The following STRN4 variants were observed in gnomAD, a reference collection of about 807,000 sequenced individuals.
STRN4 encodes striatin 4.
Under a neutral mutation model 77.9 loss-of-function variants are expected in STRN4, and 27 were observed. That is an observed-to-expected ratio of 0.35 (90% CI 0.26 to 0.48). The LOEUF (loss-of-function observed/expected upper bound fraction) is 0.48, where lower values mean the gene tolerates loss of function less well. Ranked by LOEUF, STRN4 falls within the 20% of genes least tolerant of loss-of-function variation. STRN4 has a pLI of 0.99. For synonymous variants in STRN4, 466 were observed against 443.1 expected, an observed-to-expected ratio of 1.05 and a Z score of -0.65; for missense variants, 798 against 1,049.7, an observed-to-expected ratio of 0.76 and a Z score of 3.31.
rs2054027720 is a variant in STRN4 at position 46,723,338 on chromosome 19, TG to T, written c.1595-55del. 7 of 1,498,954 alleles carry T rather than the reference TG, an allele frequency of 4.7e-6. No homozygotes were observed. Among genetic ancestry groups the T allele is most frequent in the Non-Finnish European group, 5.3e-6 (6 of 1,123,796 alleles). The allele number at this position is 1,498,954 out of a possible 1,614,324, so 92.9% of individuals were successfully genotyped here. A position where few individuals can be genotyped will look rare whatever the true frequency, so the allele number is the denominator to read the frequency against. On this transcript the variant is annotated intron_variant, in intron 12 of 17. Transcript: ENST00000263280. This position sits in a 1 kb window ranked among gnomAD's most constrained non-coding sequence, Gnocchi z 5.5. ...TGTGTCAGGGCTGCCAGCTCCTCCC[TG>T]GACAGCCCAGAGCCCCAGCTCTGCC...
chr19:46,746,070 T>G, intron 1 of STRN4, 79 bp downstream of exon 1: 1 of 1,216,536 alleles, frequency 8.2e-7, no homozygotes, highest in Non-Finnish European at 1.0e-6. Context: ...TGCTCCAAGA[T>G]GGCGGCGGCG....
chr19:46,728,855 T>G, intron 6 of STRN4, 78 bp from the exon 7 acceptor site: 3 of 1,567,212 alleles, frequency 1.9e-6, no homozygotes, highest in Non-Finnish European at 2.6e-6. Flanking sequence ...TAGGAACAGG[T>G]AAGCCGGGGC....
chr19:46,725,877 A>G (rs2054100806), intron 9 of STRN4: 1 of 580,984 alleles, frequency 1.7e-6, no homozygotes, highest in Non-Finnish European at 3.0e-6. Flanking sequence ...GACAAAGGTG[A>G]GCCTGACCCC....
intron 3 of STRN4, among the ~76,000 whole-genome samples, chr19:46,737,820 C>T (rs563720009): frequency 1.3e-5 from 2 of 152,168 alleles, no homozygotes; most frequent in Non-Finnish European, 2.9e-5. Context: ...CCTGTTCAAA[C>T]GCCACCTCCT....
chr19:46,728,029 C>T, intron 7 of STRN4, 22 bp from the exon 8 acceptor site: 2 of 1,606,826 alleles, frequency 1.2e-6, no homozygotes, highest in South Asian at 1.1e-5. Flanking sequence ...AGGCATAGGG[C>T]CGGAGTCACC....
Position 46,728,786 on chromosome 19 carries a change from T to C in STRN4, c.880-9A>G. 2 of 1,613,808 alleles carry C rather than the reference T, an allele frequency of 1.2e-6. No individual in the cohort carries two copies. Among genetic ancestry groups the C allele is most frequent in the African/African-American group, 1.3e-5 (1 of 75,046 alleles). ...AGAGCCTTGGATGGGAGCTGGCACA[T>C]GGAGAAAGCCAGACAAGTCAGGGGG... On this transcript the variant is annotated splice_polypyrimidine_tract_variant and intron_variant, in intron 6 of 17. Transcript: ENST00000263280.
chr19:46,727,711 C>T, intron 8 of STRN4, 165 bp from the exon 9 acceptor site: 1 of 754,848 alleles, frequency 1.3e-6, no homozygotes. Context: ...GACAGAGAGA[C>T]AGACAGGGCA....
intron 9 of STRN4, among the ~76,000 whole-genome samples, chr19:46,726,482 G>T (rs2054117022): frequency 1.7e-5 from 1 of 59,910 alleles, no homozygotes; most frequent in East Asian, 3.2e-4. Flanking sequence ...CCCTCAAGGA[G>T]CAAAAAAAAA....
chr19:46,746,073 C>G, intron 1 of STRN4, 76 bp downstream of exon 1: 2 of 1,150,232 alleles, frequency 1.7e-6, no homozygotes, highest in Non-Finnish European at 2.2e-6. Flanking sequence ...TCCAAGATGG[C>G]GGCGGCGGCG....
rs1007282315 is a variant in STRN4, at chr19:46,740,648, G to A, written c.283-1760C>T. On this transcript the variant is annotated intron_variant, in intron 1 of 17. Transcript: ENST00000263280. ...CCTCCCAGGGGCAGTTCAGCCTGCC[G>A]GGAACCTACACCTTGGTCAATACCT... Among the ~76,000 whole-genome samples, 10 of 151,936 alleles carry A rather than the reference G, an allele frequency of 6.6e-5. No homozygotes were observed. In the East Asian group the frequency reaches 1.2e-3, roughly 18 times the overall value.
chr19:46,736,741 A>G lies in STRN4; in HGVS notation c.539+82T>C, dbSNP rs574057364. 622 of 1,397,348 alleles carry G rather than the reference A, an allele frequency of 4.5e-4. 1 individual carries two copies. Among genetic ancestry groups the G allele is most frequent in the Non-Finnish European group, 5.2e-4 (516 of 1,001,476 alleles). 86.6% of individuals were successfully genotyped at this position (1,397,348 alleles called of 1,614,324 possible). A position where few individuals can be genotyped will look rare whatever the true frequency, so the allele number is the denominator to read the frequency against. On this transcript the variant is annotated intron_variant, in intron 4 of 17. Coordinates refer to ENST00000263280, the MANE Select transcript of STRN4 (RefSeq NM_013403.3). Reference sequence around the variant, plus strand: ...AGTTCAGCATCCCCAGTGGGGACGGAAAAGGACTGTGGAGTCTTTGGACTT... The same window carrying G: ...AGTTCAGCATCCCCAGTGGGGACGGGAAAGGACTGTGGAGTCTTTGGACTT...
chr19:46,730,707 T>C (rs1182861833), intron 6 of STRN4, 25 bp downstream of exon 6: 1 of 1,609,634 alleles, frequency 6.2e-7, no homozygotes, highest in East Asian at 2.2e-5. Flanking sequence ...GGCCAGGCTG[T>C]GCAGGGCATG....
At chr19:46,720,380 T>TAG (rs1189807210) in intron 17 of STRN4, 42 bp from the exon 18 acceptor site, 3 of 456,874 alleles carry the variant, frequency 6.6e-6, no homozygotes, top group Admixed American at 4.4e-5. Flanking sequence ...CCGCCGCCTC[T>TAG]AGGGCGCCTC....
intron 9 of STRN4, 56 bp downstream of exon 9, chr19:46,727,394 GGC>G (rs1413426844): frequency 6.9e-7 from 1 of 1,457,936 alleles, no homozygotes; most frequent in African/African-American, 1.4e-5. Context: ...AGCTTGCAGG[GGC>G]TGGCCCTGGG....
Position 46,723,314 on chromosome 19 carries a change from G to GT in STRN4, c.1595-31dup. On this transcript the variant is annotated intron_variant, in intron 12 of 17. Transcript: ENST00000263280. This position sits in a 1 kb window ranked among gnomAD's most constrained non-coding sequence, Gnocchi z 5.5. ...ACCCACCGCAGGGAGGAAATGGGCTGTGTCAGGGCTGCCAGCTCCTCCCTG... is the reference window on the plus strand; with the variant it reads ...ACCCACCGCAGGGAGGAAATGGGCTGTTGTCAGGGCTGCCAGCTCCTCCCTG... 1.3e-6 allele frequency: 2 copies of GT among 1,520,182 alleles called. No individual in the cohort carries two copies. The highest frequency in any genetic ancestry group is 1.8e-6 in the Non-Finnish European group (2 of 1,133,724). 94.2% of individuals were successfully genotyped at this position (1,520,182 alleles called of 1,614,324 possible).
chr19:46,728,906 G>T, intron 6 of STRN4, 129 bp from the exon 7 acceptor site: 1 of 1,385,112 alleles, frequency 7.2e-7, no homozygotes, highest in Non-Finnish European at 9.7e-7. Context: ...TCAGCCGCCA[G>T]CCAGCTGCCC....
At chr19:46,721,881 C>T in intron 16 of STRN4, 105 bp downstream of exon 16, 2 of 1,282,076 alleles carry the variant, frequency 1.6e-6, no homozygotes, top group Admixed American at 3.5e-5. Flanking sequence ...CCAGCCTCCC[C>T]CAGCCCTGGC....
chr19:46,746,039 G>A lies in STRN4; in HGVS notation c.282+110C>T, dbSNP rs12984041. The A allele has an allele frequency of 3.7e-5, 33 of 903,398 alleles. 1 individual carries two copies. Among genetic ancestry groups the A allele is most frequent in the African/African-American group, 2.8e-4 (15 of 53,358 alleles). The allele number at this position is 903,398 out of a possible 1,614,324, so 56.0% of individuals were successfully genotyped here. ...CGTCGCGGTCCCCTCCCGCCCCCCC[G>A]CCGGCCGTCCCGGCGGCCATTGCTC... On this transcript the variant is annotated intron_variant, in intron 1 of 17. Transcript: ENST00000263280.
At chr19:46,746,038 C>CCCCGGGCGG in intron 1 of STRN4, 111 bp downstream of exon 1, 4 of 1,198,384 alleles carry the variant, frequency 3.3e-6, no homozygotes, top group Non-Finnish European at 4.2e-6. Context: ...CCCGCCCCCC[C>CCCCGGGCGG]GCCGGCCGTC....
Sources: allele counts gnomAD v4.1 joint callset (sites outside exome capture counted in the v4.1 genomes callset), GRCh38; gene constraint gnomAD v4.1.1; non-coding constraint Gnocchi (gnomAD v3.1); transcripts MANE v1.5; gene names NCBI Gene and HGNC (gene_info 2026-07-23, HGNC 2026-07-21).